The following DYDC1 variants were observed in gnomAD, a reference collection of about 807,000 sequenced individuals.
DYDC1 encodes DPY30 domain containing 1, also known as DPY30 domain-containing protein 1.
Under a neutral mutation model 27.9 loss-of-function variants are expected in DYDC1, and 21 were observed. The ratio of observed to expected loss-of-function variants is 0.75; its 90% CI spans 0.53 to 1.08. The LOEUF (loss-of-function observed/expected upper bound fraction) is 1.08, where lower values mean the gene tolerates loss of function less well. Ranked by LOEUF, DYDC1 falls within the 50% of genes least tolerant of loss-of-function variation. The pLI, the probability that DYDC1 is intolerant of heterozygous loss-of-function variation, is 0.00. For synonymous variants in DYDC1, 67 were observed against 65.8 expected (o/e 1.02, Z -0.09); for missense variants, 202 against 205.9 (o/e 0.98, Z 0.12).
chr10:80,344,172 T>G (rs1285516735), intron 3 of DYDC1, among the ~76,000 whole-genome samples: 2 of 152,032 alleles, frequency 1.3e-5, no homozygotes, highest in African/African-American at 4.8e-5. Context: ...TTACAAAAAT[T>G]AAAAATGAAA....
intron 6 of DYDC1, 29 bp downstream of exon 6, chr10:80,338,438 G>GT (rs753314691): frequency 3.7e-6 from 6 of 1,606,660 alleles, no homozygotes; most frequent in South Asian, 1.1e-5. Flanking sequence ...ACAAAAACGA[G>GT]TTTTTTCACA....
chr10:80,346,920 CA>C (rs981136001), intron 3 of DYDC1, among the ~76,000 whole-genome samples: 9 of 146,814 alleles, frequency 6.1e-5, no homozygotes, highest in South Asian at 2.2e-4. Context: ...ACTAAAAATA[CA>C]AAAAAAAAAT....
At chr10:80,355,230 C>CA in intron 1 of DYDC1, among the ~76,000 whole-genome samples, 1 of 151,864 alleles carries the variant, frequency 6.6e-6, no homozygotes, top group Non-Finnish European at 1.5e-5. Context: ...TGTCCCTGGA[C>CA]AAATGCATCT....
chr10:80,356,416 G>A (rs41296131), intron 1 of DYDC1: 13,649 of 985,556 alleles, frequency 0.014, 102 homozygotes, highest in Non-Finnish European at 0.016. Flanking sequence ...GGGCAGGGGT[G>A]CCAGATACAG....
In DYDC1 at chr10:80,338,523, A is replaced by G. The variant is rs773679362; in HGVS notation, c.448T>C (p.Tyr150His). 16 of 1,611,260 alleles carry G rather than the reference A, an allele frequency of 9.9e-6. No individual in the cohort carries two copies. The East Asian group carries it at 2.9e-4, about 29-fold the overall frequency. The stretch of plus-strand genomic sequence containing the variant: ...ACTCTGCTCAAGTTAGGTGCTCCAT[A>G]ACGATCGCTGATTTCAGCTAGTGTT... Reference protein sequence around the residue: ...GKTLAEISDRYGAPNLSRVEE... With the variant: ...GKTLAEISDRHGAPNLSRVEE... The change falls in exon 6 of 7, where the codon TAT (tyrosine) becomes CAT (histidine). Residue 150 changes from tyrosine to histidine, a missense_variant. By Grantham distance (83) the Tyr-to-His change is moderately conservative (BLOSUM62 2). Transcript: ENST00000372202.
chr10:80,353,733 C>T lies in DYDC1; in HGVS notation c.-9-1123G>A, dbSNP rs552756345. Among the ~76,000 whole-genome samples, 3 of 151,978 alleles carry T rather than the reference C, an allele frequency of 2.0e-5. No homozygotes were observed. In the East Asian group the frequency reaches 5.9e-4, roughly 30 times the overall value. On this transcript the variant is annotated intron_variant, in intron 1 of 6. Coordinates refer to ENST00000372202, the MANE Select transcript of DYDC1 (RefSeq NM_001269053.2). ...CTTACTCTGTCTGTGCCTGGGCTTG[C>T]TCATCTTCCCACTGGGATGATGATA...
chr10:80,347,276 CTTTTTTTTTTTTTTTTTT>C (rs556362145), intron 3 of DYDC1, among the ~76,000 whole-genome samples: 1 of 90,114 alleles, frequency 1.1e-5, no homozygotes, highest in African/African-American at 4.4e-5. Context: ...AATTGGGATC[CTTTTTTTTTTTTTTTTTT>C]TTTTTTTTTT....
intron 6 of DYDC1, among the ~76,000 whole-genome samples, chr10:80,336,812 ATCCACTCAGT>A (rs1474481168): frequency 6.6e-6 from 1 of 152,204 alleles, no homozygotes; most frequent in Admixed American, 6.5e-5. Flanking sequence ...CCAATCTTAA[ATCCACTCAGT>A]TCCCTCCATC....
intron 4 of DYDC1, 108 bp downstream of exon 4, chr10:80,342,161 G>T: frequency 9.7e-7 from 1 of 1,029,190 alleles, no homozygotes; most frequent in African/African-American, 1.6e-5. Flanking sequence ...TATGTGGCAT[G>T]TCTTCAGACT....
At chr10:80,341,919 G>A (rs1297148679) in intron 4 of DYDC1, among the ~76,000 whole-genome samples, 8 of 151,990 alleles carry the variant, frequency 5.3e-5, no homozygotes, top group Non-Finnish European at 1.0e-4. Flanking sequence ...AGCTACTCGG[G>A]AGGCTGAGGC....
chr10:80,354,207 C>T (rs1315764509), intron 1 of DYDC1, among the ~76,000 whole-genome samples: 1 of 150,918 alleles, frequency 6.6e-6, no homozygotes, highest in Non-Finnish European at 1.5e-5. Flanking sequence ...TGAATATTTG[C>T]CGGGCACAGT....
At chr10:80,344,757 G>A (rs1378808915) in intron 3 of DYDC1, 3 of 327,892 alleles carry the variant, frequency 9.1e-6, no homozygotes, top group Non-Finnish European at 1.8e-5. Context: ...CTGCCACCAT[G>A]TAAGAAGTGC....
At chr10:80,345,148 C>T (rs1842536939) in intron 3 of DYDC1, among the ~76,000 whole-genome samples, 1 of 152,146 alleles carries the variant, frequency 6.6e-6, no homozygotes, top group African/African-American at 2.4e-5. Context: ...TGTTATTGAT[C>T]CAGCAGTGTC....
At chr10:80,351,852 G>A (rs367915676) in intron 3 of DYDC1, 49 bp downstream of exon 3, 2 of 1,551,522 alleles carry the variant, frequency 1.3e-6, no homozygotes, top group African/African-American at 1.4e-5. Context: ...CCATGCTGAG[G>A]TTGGCATCGT....
In DYDC1 at chr10:80,342,245, G is replaced by T; in HGVS notation, c.342+24C>A. On this transcript the variant is annotated intron_variant, in intron 4 of 6. Transcript: ENST00000372202. Reference sequence around the variant, plus strand: ...ATTCTAGAGAGTTTTAAATAAAACTGACATTTATAAAACTTCAAATTACCT... The same window carrying T: ...ATTCTAGAGAGTTTTAAATAAAACTTACATTTATAAAACTTCAAATTACCT... 3 of 1,604,300 alleles carry T rather than the reference G, an allele frequency of 1.9e-6. No homozygotes were observed. The South Asian group carries it at 3.3e-5, about 18-fold the overall frequency.
chr10:80,338,438 G>A (rs1458594998), intron 6 of DYDC1, 29 bp downstream of exon 6: 2 of 1,606,542 alleles, frequency 1.2e-6, no homozygotes, highest in Non-Finnish European at 1.7e-6. Flanking sequence ...ACAAAAACGA[G>A]TTTTTTCACA....
intron 1 of DYDC1, among the ~76,000 whole-genome samples, chr10:80,353,600 A>C (rs1193693785): frequency 6.7e-6 from 1 of 149,722 alleles, no homozygotes; most frequent in Non-Finnish European, 1.5e-5. Context: ...GCCTGTAATC[A>C]CAGCACTTTG....
chr10:80,345,972 G>A (rs1302348613), intron 3 of DYDC1, among the ~76,000 whole-genome samples: 1 of 152,098 alleles, frequency 6.6e-6, no homozygotes, highest in African/African-American at 2.4e-5. Flanking sequence ...TTCCTGAGTA[G>A]CTGGGACCAC....
chr10:80,338,009 CT>C (rs35333328), intron 6 of DYDC1: 342,193 of 889,954 alleles, frequency 0.38, 67,922 homozygotes, highest in East Asian at 0.8. Flanking sequence ...TCAAAGCCAT[CT>C]GCCTTATTCA....
Sources: gnomAD v4.1 joint callset for allele counts (sites outside exome capture counted in the v4.1 genomes callset) on GRCh38, gnomAD v4.1.1 for gene constraint, MANE v1.5 for transcripts, NCBI Gene and HGNC (gene_info 2026-07-23, HGNC 2026-07-21) for gene names.